PAPOLA: variants seen among roughly 807,000 people sequenced by gnomAD.
PAPOLA encodes poly(A) polymerase alpha, also known as polynucleotide adenylyltransferase alpha.
PAPOLA carries 15 observed loss-of-function variants against 100.6 expected under a neutral mutation model. The observed-to-expected ratio is 0.15, with a 90% CI of 0.10 to 0.23. The LOEUF is 0.23. Among genes scored for constraint, PAPOLA ranks in the 10% least tolerant of loss-of-function variants. The pLI is 1.00. For missense variants in PAPOLA, 533 were observed against 884.2 expected (o/e 0.60, Z 5.04); for synonymous variants, 293 against 300.0 (o/e 0.98, Z 0.24).
At position 96,521,028 on chromosome 14, in the gene PAPOLA, A is replaced by T. The variant is rs974400498; in HGVS notation, c.205A>T (p.Asn69Tyr). 1 of 1,544,120 alleles carries T rather than the reference A, an allele frequency of 6.5e-7. No individual in the cohort carries two copies. Among genetic ancestry groups the T allele is most frequent in the Non-Finnish European group, 9.0e-7 (1 of 1,116,912 alleles). Residue 69 changes from asparagine (N) to tyrosine (Y), a missense_variant, in exon 3 of 22, where the codon AAT (asparagine) becomes TAT (tyrosine). This residue lies in a region of PAPOLA where 54 missense variants were observed against 133.2 expected (regional missense o/e 0.41). Transcript: ENST00000216277. Reference protein sequence around the residue: ...QRRILILGKLNNLVKEWIREI... With the variant: ...QRRILILGKLYNLVKEWIREI... ...CAGGATTTTAATTTTGGGAAAACTAAATAACCTGGTAAAAGAGTGGATACG... is the reference window on the plus strand; with the variant it reads ...CAGGATTTTAATTTTGGGAAAACTATATAACCTGGTAAAAGAGTGGATACG...
chr14:96,517,910 G>C (rs773894236), intron 1 of PAPOLA, among the ~76,000 whole-genome samples: 1 of 151,952 alleles, frequency 6.6e-6, no homozygotes, highest in Non-Finnish European at 1.5e-5. Flanking sequence ...CTTCTTGGCT[G>C]GGCTGGTCTT....
chr14:96,520,996 T>A lies in PAPOLA; in HGVS notation c.183-10T>A, dbSNP rs1289903285. ...CTGGAATACTTGATTGATAATTGTT[T>A]TATCAACAGGATTTTAATTTTGGGA... On this transcript the variant is annotated splice_polypyrimidine_tract_variant and intron_variant, in intron 2 of 21. Coordinates refer to ENST00000216277, the MANE Select transcript of PAPOLA (RefSeq NM_032632.5). The A allele has an allele frequency of 8.0e-7, 1 of 1,257,572 alleles. No homozygotes were observed. The allele number at this position is 1,257,572 out of a possible 1,614,324, so 77.9% of individuals were successfully genotyped here. A position where few individuals can be genotyped will look rare whatever the true frequency, so the allele number is the denominator to read the frequency against.
At chr14:96,521,295 G>A (rs1595512354) in intron 3 of PAPOLA, among the ~76,000 whole-genome samples, 1 of 152,120 alleles carries the variant, frequency 6.6e-6, no homozygotes, top group East Asian at 1.9e-4. Flanking sequence ...AGTACTCTTT[G>A]TTTGGAACAT....
At chr14:96,521,947 G>A (rs778275065) in intron 3 of PAPOLA, among the ~76,000 whole-genome samples, 5 of 151,676 alleles carry the variant, frequency 3.3e-5, no homozygotes, top group Non-Finnish European at 5.9e-5. Context: ...AATTGCAGGC[G>A]GGCGCCACCA....
At chr14:96,550,483 G>GT (rs1246899137) in intron 16 of PAPOLA, among the ~76,000 whole-genome samples, 1 of 152,192 alleles carries the variant, frequency 6.6e-6, no homozygotes, top group Non-Finnish European at 1.5e-5. Context: ...TTGGAAATTT[G>GT]TTTTTTGGTC....
rs1899011594 is a variant in PAPOLA at position 96,531,466 on chromosome 14, G to C, written c.496-9G>C. 1 of 1,585,712 alleles carries C rather than the reference G, an allele frequency of 6.3e-7. No individual in the cohort carries two copies. The highest frequency in any genetic ancestry group is 8.6e-7 in the Non-Finnish European group (1 of 1,163,616). On this transcript the variant is annotated splice_polypyrimidine_tract_variant and intron_variant, in intron 6 of 21. Coordinates refer to ENST00000216277, the MANE Select transcript of PAPOLA (RefSeq NM_032632.5). ...ACAGATATGGAATGTTGTTTTGTTT[G>C]TGTTTCAGATTGATATTTTGTTTGC...
rs1901966390 is a variant in PAPOLA at position 96,562,799 on chromosome 14, C to T, written c.2068-20C>T. The T allele has an allele frequency of 1.3e-6, 2 of 1,500,070 alleles. No individual in the cohort carries two copies. The highest frequency in any genetic ancestry group is 1.8e-6 in the Non-Finnish European group (2 of 1,082,106). 92.9% of individuals were successfully genotyped at this position (1,500,070 alleles called of 1,614,324 possible). A position where few individuals can be genotyped will look rare whatever the true frequency, so the allele number is the denominator to read the frequency against. ...TTTTTAAGTCTCTTTTCCCCCTTCC[C>T]CATCCTCTTTGTCTCACAGGAACAA... On this transcript the variant is annotated intron_variant, in intron 20 of 21. Transcript: ENST00000216277.
At chr14:96,506,683 T>C (rs1843033474) in intron 1 of PAPOLA, among the ~76,000 whole-genome samples, 1 of 152,218 alleles carries the variant, frequency 6.6e-6, no homozygotes, top group African/African-American at 2.4e-5. Context: ...GTTTTAATGC[T>C]GTATAATGTG....
chr14:96,566,124 G>A lies in PAPOLA; in HGVS notation c.*1074G>A. 2.6e-6 allele frequency: 1 copy of A among 391,042 alleles called. No individual in the cohort carries two copies. Among genetic ancestry groups the A allele is most frequent in the Non-Finnish European group, 4.5e-6 (1 of 221,064 alleles). The allele number at this position is 391,042 out of a possible 1,614,324, so 24.2% of individuals were successfully genotyped here. ...ACACTCCACAGAACTCCTATCTATA[G>A]TAAAATTGATTTTCAGTTTTAAATG... On this transcript the variant is annotated 3_prime_UTR_variant, in exon 22 of 22. Transcript: ENST00000216277.
At chr14:96,539,436 T>C (rs191969427) in intron 12 of PAPOLA, among the ~76,000 whole-genome samples, 1 of 152,142 alleles carries the variant, frequency 6.6e-6, no homozygotes, top group African/African-American at 2.4e-5. Flanking sequence ...AGAGATTCAC[T>C]TAGAGAATTT....
At position 96,560,719 on chromosome 14, in the gene PAPOLA, A is replaced by G; in HGVS notation, c.2067+8A>G. The G allele has an allele frequency of 6.5e-7, 1 of 1,536,336 alleles. No individual in the cohort carries two copies. The highest frequency in any genetic ancestry group is 1.4e-5 in the African/African-American group (1 of 73,402). The stretch of plus-strand genomic sequence containing the variant: ...GATAAAACAGAAGCAAAGGTATACT[A>G]ATTTAGCCTTTAGAATACATACACA... On this transcript the variant is annotated splice_region_variant and intron_variant, in intron 20 of 21. Transcript: ENST00000216277.
At chr14:96,522,108 C>CTTTTTTTTTTTTTTT (rs1566840969) in intron 3 of PAPOLA, among the ~76,000 whole-genome samples, 2 of 98,336 alleles carry the variant, frequency 2.0e-5, no homozygotes, top group South Asian at 4.0e-4. Flanking sequence ...TAGCCTCTTT[C>CTTTTTTTTTTTTTTT]TTTCTTTCTT....
At chr14:96,530,894 A>ACCCTCC (rs1236748645) in intron 6 of PAPOLA, among the ~76,000 whole-genome samples, 1 of 152,048 alleles carries the variant, frequency 6.6e-6, no homozygotes, top group African/African-American at 2.4e-5. Context: ...GACTTACCGC[A>ACCCTCC]ACCTCCGCCT....
intron 19 of PAPOLA, among the ~76,000 whole-genome samples, chr14:96,560,213 C>T (rs1901722724): frequency 6.6e-6 from 1 of 152,114 alleles, no homozygotes; most frequent in South Asian, 2.1e-4. Flanking sequence ...TCTGGTTAAG[C>T]TTGGGAAAAT....
intron 12 of PAPOLA, among the ~76,000 whole-genome samples, chr14:96,538,882 C>T (rs748186643): frequency 6.6e-6 from 1 of 152,028 alleles, no homozygotes; most frequent in Non-Finnish European, 1.5e-5. Flanking sequence ...TGAGGCATAT[C>T]ATGAAATACT....
In PAPOLA at chr14:96,552,583, C is replaced by A; in HGVS notation, c.1625C>A (p.Thr542Lys). ...SMSVPSPTSA[T>K]KTSPLNSSGS... is the part of the protein sequence containing the mutation. The stretch of plus-strand genomic sequence containing the variant: ...TCTGTGCCTTCACCTACTAGTGCTA[C>A]GAAGACCAGTCCATTGAACAGTTCT... The change falls in exon 17 of 22, where the codon ACG becomes AAG. Residue 542 changes from threonine to lysine, a missense_variant. Physicochemically the swap from Thr to Lys is moderately conservative, Grantham distance 78 (BLOSUM62 -1). Coordinates refer to ENST00000216277, the MANE Select transcript of PAPOLA (RefSeq NM_032632.5). The A allele has an allele frequency of 6.2e-7, 1 of 1,613,972 alleles. No homozygotes were observed. The highest frequency in any genetic ancestry group is 8.5e-7 in the Non-Finnish European group (1 of 1,179,922).
intron 19 of PAPOLA, among the ~76,000 whole-genome samples, chr14:96,559,581 C>CTATATATATATATA (rs1555396726): frequency 2.5e-5 from 3 of 120,178 alleles, no homozygotes; most frequent in South Asian, 2.9e-4. Context: ...CTCTCTCTCT[C>CTATATATATATATA]TATATATATA....
chr14:96,555,104 T>G (rs1394632983), intron 17 of PAPOLA, among the ~76,000 whole-genome samples: 2 of 151,936 alleles, frequency 1.3e-5, no homozygotes, highest in Non-Finnish European at 2.9e-5. Flanking sequence ...CACTTAAAGG[T>G]CTTTAACTGG....
At position 96,520,202 on chromosome 14, in the gene PAPOLA, T is replaced by G. The variant is rs1321865445; in HGVS notation, c.156T>G (p.Phe52Leu). The G allele has an allele frequency of 1.2e-6, 2 of 1,613,268 alleles. No homozygotes were observed. The highest frequency in any genetic ancestry group is 1.7e-6 in the Non-Finnish European group (2 of 1,179,664). ...AGACATTGAAACCCTTTGGGGTTTT[T>G]GAAGAGGAAGAGGAACTGCAGCGCA... Reference protein sequence around the residue: ...LIETLKPFGVFEEEEELQRRI... With the variant: ...LIETLKPFGVLEEEEELQRRI... Residue 52 changes from phenylalanine to leucine, a missense_variant, in exon 2 of 22, where the codon TTT (phenylalanine) becomes TTG (leucine). Physicochemically the swap from Phe to Leu is conservative, Grantham distance 22 (BLOSUM62 0). Around this residue, in one of 9 missense-constraint regions of PAPOLA, gnomAD observed 54 missense variants for 133.2 expected, o/e 0.41. Transcript: ENST00000216277.
Sources: gnomAD v4.1 joint callset for allele counts (sites outside exome capture counted in the v4.1 genomes callset) on GRCh38, gnomAD v4.1.1 for gene constraint, gnomAD v4.1.1 regional missense constraint, MANE v1.5 for transcripts, NCBI Gene and HGNC (gene_info 2026-07-23, HGNC 2026-07-21) for gene names.